The following CPA6 variants were observed in gnomAD, a reference collection of about 807,000 sequenced individuals.
CPA6 encodes carboxypeptidase B.
Under a neutral mutation model 63.3 loss-of-function variants are expected in CPA6, and 58 were observed. The ratio of observed to expected loss-of-function variants is 0.92; its 90% CI spans 0.74 to 1.14. The LOEUF (loss-of-function observed/expected upper bound fraction) is 1.14. CPA6 is among the 50% of genes most tolerant of loss of function. The pLI, the probability that CPA6 is intolerant of heterozygous loss-of-function variation, is 0.00. For synonymous variants in CPA6, 185 were observed against 179.0 expected (o/e 1.03, Z -0.27); for missense variants, 565 against 526.6 (o/e 1.07, Z -0.71).
At chr8:67,623,927 G>A (rs1024055986) in intron 2 of CPA6, among the ~76,000 whole-genome samples, 7 of 152,030 alleles carry the variant, frequency 4.6e-5, no homozygotes, top group African/African-American at 1.4e-4. Flanking sequence ...AACCCGGGAG[G>A]TGGAGGCTGC....
In CPA6 at chr8:67,564,415, C is replaced by CTTTTT. The variant is rs200491437; in HGVS notation, c.193-46373_193-46369dup. On this transcript the variant is annotated intron_variant, in intron 2 of 10. Coordinates refer to ENST00000297770, the MANE Select transcript of CPA6 (RefSeq NM_020361.5). ...CTGAGCAGCGACGATTAAAAGTGTT[C>CTTTTT]TTTTTTTTTTTTTTATGTTTTGGAT... 8.5e-5 allele frequency among the ~76,000 whole-genome samples: 12 copies of CTTTTT among 141,156 alleles called. 1 individual carries two copies. The highest frequency in any genetic ancestry group is 8.4e-4 in the Admixed American group (12 of 14,308). 92.6% of individuals were successfully genotyped at this position (141,156 alleles called of 152,430 possible). A position where few individuals can be genotyped will look rare whatever the true frequency, so the allele number is the denominator to read the frequency against.
chr8:67,504,549 G>A lies in CPA6; in HGVS notation c.636+2238C>T, dbSNP rs559765104. 5.9e-5 allele frequency among the ~76,000 whole-genome samples: 9 copies of A among 152,296 alleles called. No individual in the cohort carries two copies. In the East Asian group the frequency reaches 1.2e-3, roughly 20 times the overall value. ...ACGTTTTCAGCTGGCCTAGGAAGAA[G>A]CTTATGTGGCAAGGAGTTGATATCT... On this transcript the variant is annotated intron_variant, in intron 6 of 10. Coordinates refer to ENST00000297770, the MANE Select transcript of CPA6 (RefSeq NM_020361.5).
intron 2 of CPA6, among the ~76,000 whole-genome samples, chr8:67,600,340 T>C (rs1158888719): frequency 6.8e-6 from 1 of 146,612 alleles, no homozygotes; most frequent in Non-Finnish European, 1.5e-5. Context: ...AGTAGAATGG[T>C]AGTTACTAGG....
At chr8:67,555,018 T>C (rs1487453988) in intron 2 of CPA6, among the ~76,000 whole-genome samples, 1 of 152,186 alleles carries the variant, frequency 6.6e-6, no homozygotes, top group African/African-American at 2.4e-5. Context: ...CTGGGCTCAG[T>C]GCCTACTGAA....
intron 1 of CPA6, among the ~76,000 whole-genome samples, chr8:67,725,241 T>G (rs1189309307): frequency 6.6e-6 from 1 of 152,228 alleles, no homozygotes; most frequent in Non-Finnish European, 1.5e-5. Context: ...GTTTCCCTCG[T>G]GAAATTATGG....
At chr8:67,651,463 T>G (rs1815835249) in intron 1 of CPA6, among the ~76,000 whole-genome samples, 1 of 152,150 alleles carries the variant, frequency 6.6e-6, no homozygotes, top group Non-Finnish European at 1.5e-5. Flanking sequence ...ATTTATTTAT[T>G]TTTTAATGCT....
chr8:67,520,760 T>G (rs1488250602), intron 2 of CPA6, among the ~76,000 whole-genome samples: 1 of 152,254 alleles, frequency 6.6e-6, no homozygotes, highest in African/African-American at 2.4e-5. Context: ...AGGTACAAAA[T>G]GGCCGATACA....
intron 2 of CPA6, among the ~76,000 whole-genome samples, chr8:67,525,991 A>G (rs1437957848): frequency 6.6e-6 from 1 of 152,084 alleles, no homozygotes; most frequent in Non-Finnish European, 1.5e-5. Flanking sequence ...CCATGTAACA[A>G]AACTGTAATT....
chr8:67,541,680 T>C (rs1812709882), intron 2 of CPA6, among the ~76,000 whole-genome samples: 1 of 152,198 alleles, frequency 6.6e-6, no homozygotes, highest in South Asian at 2.1e-4. Flanking sequence ...ACTCGGTGTC[T>C]GAGGGGTTTT....
chr8:67,704,038 C>G (rs1297062526), intron 1 of CPA6, among the ~76,000 whole-genome samples: 1 of 152,168 alleles, frequency 6.6e-6, no homozygotes, highest in Non-Finnish European at 1.5e-5. Context: ...GCCCCTTATC[C>G]TCCTCCAGAG....
chr8:67,599,498 C>T (rs941667999), intron 2 of CPA6, among the ~76,000 whole-genome samples: 2 of 152,158 alleles, frequency 1.3e-5, no homozygotes, highest in African/African-American at 2.4e-5. Context: ...TGTGCTTCCC[C>T]TTATGGCCTA....
intron 2 of CPA6, among the ~76,000 whole-genome samples, chr8:67,600,743 T>C (rs2128983123): frequency 6.6e-6 from 1 of 152,330 alleles, no homozygotes; most frequent in Admixed American, 6.5e-5. Flanking sequence ...CACATGAATG[T>C]CTGCTGATAC....
intron 2 of CPA6, among the ~76,000 whole-genome samples, chr8:67,558,101 A>C (rs1813110281): frequency 6.6e-6 from 1 of 152,174 alleles, no homozygotes; most frequent in Non-Finnish European, 1.5e-5. Context: ...CCAGCCAGAC[A>C]AGCTTTGTTT....
intron 10 of CPA6, among the ~76,000 whole-genome samples, chr8:67,427,331 G>A (rs922420625): frequency 5.3e-5 from 8 of 151,998 alleles, no homozygotes; most frequent in East Asian, 1.9e-4. Context: ...CAAATTTATC[G>A]TTCCTTGTCC....
intron 2 of CPA6, among the ~76,000 whole-genome samples, chr8:67,603,318 C>A (rs1158502961): frequency 6.6e-6 from 1 of 151,774 alleles, no homozygotes; most frequent in Non-Finnish European, 1.5e-5. Context: ...TTAATTTTAA[C>A]AATTTTTTTT....
At chr8:67,439,992 G>A (rs528311759) in intron 8 of CPA6, among the ~76,000 whole-genome samples, 1 of 152,308 alleles carries the variant, frequency 6.6e-6, no homozygotes, top group Admixed American at 6.5e-5. Flanking sequence ...AGATATTCCA[G>A]ATGTCTACTT....
chr8:67,467,730 C>T (rs756771550), intron 8 of CPA6, among the ~76,000 whole-genome samples: 5 of 151,940 alleles, frequency 3.3e-5, no homozygotes, highest in African/African-American at 4.8e-5. Context: ...CGACCGGGCA[C>T]GGCGGCTTAT....
chr8:67,581,352 C>T (rs979842318), intron 2 of CPA6, among the ~76,000 whole-genome samples: 1 of 151,952 alleles, frequency 6.6e-6, no homozygotes, highest in African/African-American at 2.4e-5. Flanking sequence ...TGGGGACTAG[C>T]CGTAATGTAC....
intron 8 of CPA6, among the ~76,000 whole-genome samples, chr8:67,438,801 G>C (rs1228515777): frequency 6.6e-6 from 1 of 151,912 alleles, no homozygotes; most frequent in African/African-American, 2.4e-5. Context: ...GAAGGCAAAA[G>C]CATGCTAAAT....
Sources: allele counts gnomAD v4.1 joint callset (sites outside exome capture counted in the v4.1 genomes callset), GRCh38; gene constraint gnomAD v4.1.1; transcripts MANE v1.5; gene names NCBI Gene and HGNC (gene_info 2026-07-23, HGNC 2026-07-21).